Variants in EIPR1 observed in about 807,000 individuals in gnomAD.
EIPR1 encodes the protein EARP complex and GARP complex interacting protein 1, also known as EARP and GARP complex-interacting protein 1.
A neutral mutation model predicts 48.1 loss-of-function variants in EIPR1; 25 were observed. The ratio of observed to expected loss-of-function variants is 0.52; its 90% CI spans 0.38 to 0.73. The LOEUF (loss-of-function observed/expected upper bound fraction) is 0.73, where lower values mean the gene tolerates loss of function less well. Among genes scored for constraint, EIPR1 ranks in the 30% least tolerant of loss-of-function variants. The pLI is 0.00. For synonymous variants in EIPR1, 204 were observed against 201.9 expected, an observed-to-expected ratio of 1.01 and a Z score of -0.09; for missense variants, 415 against 506.2, an observed-to-expected ratio of 0.82 and a Z score of 1.73.
In EIPR1 at chr2:3,189,618, C is replaced by A. The variant is rs1256942287; in HGVS notation, c.990-110G>T. On this transcript the variant is annotated intron_variant, in intron 8 of 8. Coordinates refer to ENST00000382125, the MANE Select transcript of EIPR1 (RefSeq NM_003310.5). This position sits in a 1 kb window ranked among gnomAD's most constrained non-coding sequence, Gnocchi z 4.6. Reference sequence around the variant, plus strand: ...TCGGGAGACACGGGAGGTACTGGGGCCTCAGCTTTCTCCGCTGTGGGATGG... The same window carrying A: ...TCGGGAGACACGGGAGGTACTGGGGACTCAGCTTTCTCCGCTGTGGGATGG... 3.8e-6 allele frequency: 4 copies of A among 1,055,094 alleles called. No individual in the cohort carries two copies. The highest frequency in any genetic ancestry group is 6.0e-5 in the Admixed American group (2 of 33,456). 65.4% of individuals were successfully genotyped at this position (1,055,094 alleles called of 1,614,324 possible).
intron 4 of EIPR1, among the ~76,000 whole-genome samples, chr2:3,241,687 T>A (rs1447045616): frequency 6.6e-6 from 1 of 151,716 alleles, no homozygotes. Context: ...GATGTGAGTA[T>A]GCAGCATCCC....
intron 3 of EIPR1, among the ~76,000 whole-genome samples, chr2:3,289,342 G>A (rs1668299254): frequency 6.6e-6 from 1 of 152,146 alleles, no homozygotes; most frequent in African/African-American, 2.4e-5. Context: ...CAGAGGATGG[G>A]GCGTGTGACC....
At position 3,338,117 on chromosome 2, in the gene EIPR1, G is replaced by A. The variant is rs1670123309; in HGVS notation, c.159C>T (p.Asn53=). The A allele has an allele frequency of 6.2e-7, 1 of 1,611,732 alleles. No individual in the cohort carries two copies. Among genetic ancestry groups the A allele is most frequent in the Non-Finnish European group, 8.5e-7 (1 of 1,179,580 alleles). The change falls in exon 3 of 9, where the codon AAC becomes AAT. Residue 53 remains asparagine (N), a synonymous_variant. Coordinates refer to ENST00000382125, the MANE Select transcript of EIPR1 (RefSeq NM_003310.5). ...IHIIDFDDEN[N]IINKNVLLHQ... ...GGAGGAGGACATTTTTATTTATAAT[G>A]TTGTTTTCATCGTCAAAATCTATGA...
intron 3 of EIPR1, among the ~76,000 whole-genome samples, chr2:3,258,352 T>C (rs1558256286): frequency 6.6e-6 from 1 of 152,230 alleles, no homozygotes; most frequent in Non-Finnish European, 1.5e-5. Context: ...TTGCTTTCCA[T>C]TTAGTTTTCA....
At chr2:3,196,173 G>A (rs1458091609) in intron 6 of EIPR1, among the ~76,000 whole-genome samples, 3 of 152,324 alleles carry the variant, frequency 2.0e-5, no homozygotes, top group East Asian at 3.9e-4. Flanking sequence ...AGTTTTCAGA[G>A]GGGCCTTGGA....
At chr2:3,375,657 T>A (rs1659851725) in intron 1 of EIPR1, among the ~76,000 whole-genome samples, 1 of 152,092 alleles carries the variant, frequency 6.6e-6, no homozygotes, top group Non-Finnish European at 1.5e-5. Context: ...TCGAGGTCAG[T>A]TTGGGTTGAA....
intron 5 of EIPR1, among the ~76,000 whole-genome samples, chr2:3,202,096 C>T (rs1296927484): frequency 6.6e-6 from 1 of 152,132 alleles, no homozygotes; most frequent in South Asian, 2.1e-4. Flanking sequence ...CGCCACCACG[C>T]CCGGCTAATT....
At chr2:3,247,577 C>G (rs763086954) in intron 4 of EIPR1, among the ~76,000 whole-genome samples, 1 of 152,152 alleles carries the variant, frequency 6.6e-6, no homozygotes, top group African/African-American at 2.4e-5. Context: ...ATCAGGGCTC[C>G]GAAGGGCACT....
intron 1 of EIPR1, among the ~76,000 whole-genome samples, chr2:3,358,147 A>G (rs990843123): frequency 3.9e-5 from 6 of 152,124 alleles, no homozygotes; most frequent in African/African-American, 1.4e-4. Context: ...CGGCAGTCAC[A>G]TCCAACTCTT....
chr2:3,357,193 G>A (rs986045687), intron 1 of EIPR1, among the ~76,000 whole-genome samples: 1 of 152,140 alleles, frequency 6.6e-6, no homozygotes, highest in African/African-American at 2.4e-5. Context: ...GCAGCTGCTC[G>A]GCCCAATCCC....
At chr2:3,321,148 A>T (rs978109943) in intron 3 of EIPR1, among the ~76,000 whole-genome samples, 7 of 152,198 alleles carry the variant, frequency 4.6e-5, no homozygotes, top group African/African-American at 7.2e-5. Context: ...AATGTGCTCC[A>T]AACGACAGCT....
intron 4 of EIPR1, among the ~76,000 whole-genome samples, chr2:3,240,455 G>C (rs201972975): frequency 6.4e-3 from 461 of 72,100 alleles, no homozygotes; most frequent in Non-Finnish European, 9.3e-3. Flanking sequence ...AGCAAAGCAG[G>C]AGATCCTTCC....
chr2:3,337,116 A>G (rs1670089176), intron 3 of EIPR1, among the ~76,000 whole-genome samples: 1 of 144,080 alleles, frequency 6.9e-6, no homozygotes, highest in Admixed American at 6.9e-5. Context: ...AGAGATGGGA[A>G]AAGGGAAAAG....
chr2:3,370,582 G>C (rs1028562312), intron 1 of EIPR1, among the ~76,000 whole-genome samples: 1 of 149,868 alleles, frequency 6.7e-6, no homozygotes, highest in African/African-American at 2.5e-5. Context: ...CGAGAACTAT[G>C]TGAAGAATGC....
At chr2:3,253,510 G>A (rs12619831) in intron 4 of EIPR1, among the ~76,000 whole-genome samples, 1 of 151,948 alleles carries the variant, frequency 6.6e-6, no homozygotes, top group Admixed American at 6.5e-5. Flanking sequence ...CAACGTCATC[G>A]CCGTTTCAGG....
intron 1 of EIPR1, among the ~76,000 whole-genome samples, chr2:3,368,930 T>A (rs1671040538): frequency 6.6e-6 from 1 of 152,218 alleles, no homozygotes; most frequent in African/African-American, 2.4e-5. Flanking sequence ...TACTGCCCTT[T>A]ATCTTTCAAG....
At chr2:3,369,781 C>T (rs547597239) in intron 1 of EIPR1, among the ~76,000 whole-genome samples, 15 of 152,336 alleles carry the variant, frequency 9.8e-5, no homozygotes, top group African/African-American at 3.4e-4. Context: ...GCCTGCCTGC[C>T]TCTGTAGGCT....
intron 4 of EIPR1, among the ~76,000 whole-genome samples, chr2:3,232,171 C>T (rs2103168779): frequency 6.6e-6 from 1 of 152,278 alleles, no homozygotes; most frequent in South Asian, 2.1e-4. Context: ...TTTATATTGT[C>T]TCTTATTTCT....
chr2:3,278,697 C>T (rs953580625), intron 3 of EIPR1, among the ~76,000 whole-genome samples: 1 of 152,190 alleles, frequency 6.6e-6, no homozygotes, highest in African/African-American at 2.4e-5. Context: ...GGCCCCCAGA[C>T]CATCAGCGAG....
Sources: allele counts gnomAD v4.1 joint callset (sites outside exome capture counted in the v4.1 genomes callset), GRCh38; gene constraint gnomAD v4.1.1; non-coding constraint Gnocchi (gnomAD v3.1); transcripts MANE v1.5; gene names NCBI Gene and HGNC (gene_info 2026-07-23, HGNC 2026-07-21).